Variants in PLCH1 observed in about 807,000 individuals in gnomAD.
PLCH1 encodes the protein 1-phosphatidylinositol 4,5-bisphosphate phosphodiesterase eta-1.
Under a neutral mutation model 126.7 loss-of-function variants are expected in PLCH1, and 60 were observed. That is an observed-to-expected ratio of 0.47 (90% CI 0.38 to 0.59). PLCH1 has a LOEUF of 0.59. Among genes scored for constraint, PLCH1 ranks in the 20% least tolerant of loss-of-function variants. The pLI is 0.00. For synonymous variants in PLCH1, 719 were observed against 734.9 expected, an observed-to-expected ratio of 0.98 and a Z score of 0.35; for missense variants, 1,723 against 2,040.0, an observed-to-expected ratio of 0.84 and a Z score of 2.99.
intron 12 of PLCH1, among the ~76,000 whole-genome samples, chr3:155,512,173 G>A (rs1034861044): frequency 2.6e-5 from 4 of 151,896 alleles, no homozygotes; most frequent in Admixed American, 6.6e-5. Context: ...GACCCCTTGC[G>A]CTTCCCAGGT....
chr3:155,669,401 A>G (rs1166261318), intron 2 of PLCH1, among the ~76,000 whole-genome samples: 1 of 152,140 alleles, frequency 6.6e-6, no homozygotes, highest in African/African-American at 2.4e-5. Flanking sequence ...CAACATACTG[A>G]GACCCCATCT....
intron 2 of PLCH1, among the ~76,000 whole-genome samples, chr3:155,696,505 C>T (rs1350013213): frequency 6.6e-6 from 1 of 152,104 alleles, no homozygotes; most frequent in African/African-American, 2.4e-5. Flanking sequence ...AATTTCTGTG[C>T]ATACATTAGA....
At chr3:155,592,496 A>ATCTCCC (rs1236319984) in intron 4 of PLCH1, among the ~76,000 whole-genome samples, 1 of 23,918 alleles carries the variant, frequency 4.2e-5, no homozygotes, top group East Asian at 4.3e-4. Flanking sequence ...CTCCATCTCC[A>ATCTCCC]AAAAAAAAAA....
At position 155,549,793 on chromosome 3, in the gene PLCH1, T is replaced by C. The variant is rs377197811; in HGVS notation, c.1356A>G (p.Leu452=). ...CATTACTTGAAGTAATTACCTTCAC[T>C]AGAATTTTGCCTTTCAAACTTTGAG... ...PSPQSLKGKI[L]VKGKKLPYHL... is the part of the protein sequence containing the mutation. The change falls in exon 10 of 23, where the codon CTA becomes CTG. Residue 452 remains leucine (L), a synonymous_variant. Coordinates refer to ENST00000460012, the MANE Select transcript of PLCH1 (RefSeq NM_014996.4). 2.5e-6 allele frequency: 4 copies of C among 1,611,482 alleles called. No homozygotes were observed. The highest frequency in any genetic ancestry group is 3.4e-6 in the Non-Finnish European group (4 of 1,178,276).
chr3:155,511,729 G>A (rs1305169655), intron 12 of PLCH1, among the ~76,000 whole-genome samples: 1 of 144,736 alleles, frequency 6.9e-6, no homozygotes, highest in African/African-American at 2.7e-5. Context: ...CCAGCTGCGT[G>A]CTGGGAGAAC....
At chr3:155,710,715 C>A (rs946314189) in intron 1 of PLCH1, among the ~76,000 whole-genome samples, 1 of 151,642 alleles carries the variant, frequency 6.6e-6, no homozygotes. Context: ...CACCTGTAAT[C>A]GCAGCTACTC....
chr3:155,479,864 A>C (rs1429844459), downstream of PLCH1: 1 of 152,182 alleles, frequency 6.6e-6, no homozygotes, highest in Non-Finnish European at 1.5e-5. Flanking sequence ...TTTCAATTGT[A>C]AAAAAAGTTC....
At chr3:155,490,716 C>CT in intron 19 of PLCH1, 68 bp downstream of exon 19, 4 of 911,058 alleles carry the variant, frequency 4.4e-6, no homozygotes, top group South Asian at 1.4e-5. Context: ...TACATAGACA[C>CT]TTTTTTTAGT....
intron 21 of PLCH1, among the ~76,000 whole-genome samples, chr3:155,474,381 T>C (rs374957606): frequency 0.016 from 2,253 of 145,048 alleles, 108 homozygotes; most frequent in East Asian, 0.15. Context: ...AATGAGATAC[T>C]ATCTCACACC....
intron 15 of PLCH1, among the ~76,000 whole-genome samples, chr3:155,495,955 A>G (rs1040199014): frequency 6.6e-6 from 1 of 152,200 alleles, no homozygotes; most frequent in Non-Finnish European, 1.5e-5. Context: ...ATAGGAGAAA[A>G]TATCTTTTTG....
intron 2 of PLCH1, among the ~76,000 whole-genome samples, chr3:155,677,859 C>A (rs1744212357): frequency 6.6e-6 from 1 of 152,176 alleles, no homozygotes; most frequent in Non-Finnish European, 1.5e-5. Context: ...CCCATTCCTG[C>A]TAAATAATCC....
At chr3:155,465,419 C>T (rs1036468671) in intron 21 of PLCH1, among the ~76,000 whole-genome samples, 49 of 152,068 alleles carry the variant, frequency 3.2e-4, no homozygotes, top group African/African-American at 1.1e-3. Context: ...AGGACCAGTA[C>T]CAGCAGCATT....
chr3:155,708,289 C>T (rs1577350699), intron 1 of PLCH1, among the ~76,000 whole-genome samples: 1 of 152,138 alleles, frequency 6.6e-6, no homozygotes. Context: ...AGTTAGTAGG[C>T]CTGGGGCAAG....
intron 1 of PLCH1, among the ~76,000 whole-genome samples, chr3:155,715,350 G>A (rs891478456): frequency 3.9e-5 from 6 of 151,952 alleles, no homozygotes; most frequent in African/African-American, 1.4e-4. Context: ...CATCCAAGCT[G>A]GTGGGCAGTG....
At chr3:155,546,758 T>C (rs1313273292) in intron 10 of PLCH1, among the ~76,000 whole-genome samples, 2 of 149,464 alleles carry the variant, frequency 1.3e-5, no homozygotes, top group African/African-American at 4.9e-5. Context: ...ATCTGATCTT[T>C]GACAAACCTG....
rs149134867 is a variant in PLCH1 at position 155,616,407 on chromosome 3, T to C, written c.80-20029A>G. ...AATTAAAATGGCATCATTTAGTTTTTCCATAAATTAAACATTAGCACTGAT... is the reference window on the plus strand; with the variant it reads ...AATTAAAATGGCATCATTTAGTTTTCCCATAAATTAAACATTAGCACTGAT... On this transcript the variant is annotated intron_variant, in intron 2 of 22. Coordinates refer to ENST00000460012, the MANE Select transcript of PLCH1 (RefSeq NM_014996.4). Among the ~76,000 whole-genome samples the C allele has an allele frequency of 3.1e-4, 47 of 152,306 alleles. No homozygotes were observed. In the East Asian group the frequency reaches 9.1e-3, roughly 29 times the overall value.
At chr3:155,671,250 C>T (rs1214111953) in intron 2 of PLCH1, among the ~76,000 whole-genome samples, 4 of 152,164 alleles carry the variant, frequency 2.6e-5, no homozygotes, top group Non-Finnish European at 5.9e-5. Context: ...ATATGCACTT[C>T]ACAGAGTTAT....
chr3:155,631,571 G>A (rs542027711), intron 2 of PLCH1, among the ~76,000 whole-genome samples: 85 of 152,240 alleles, frequency 5.6e-4, no homozygotes, highest in Non-Finnish European at 9.0e-4. Flanking sequence ...AAATTATGTC[G>A]CAATCTGCAT....
chr3:155,512,671 T>C (rs1201112913), intron 12 of PLCH1, among the ~76,000 whole-genome samples: 2 of 152,178 alleles, frequency 1.3e-5, no homozygotes, highest in East Asian at 3.9e-4. Context: ...TGTGCACGTG[T>C]GGACTCCTAC....
Sources: gnomAD v4.1 joint callset for allele counts (sites outside exome capture counted in the v4.1 genomes callset) on GRCh38, gnomAD v4.1.1 for gene constraint, MANE v1.5 for transcripts, NCBI Gene and HGNC (gene_info 2026-07-23, HGNC 2026-07-21) for gene names.